ZNF787: variants seen among roughly 807,000 people sequenced by gnomAD.
ZNF787 encodes the protein TTF-I-interacting peptide 20.
ZNF787 carries 7 observed loss-of-function variants against 16.9 expected under a neutral mutation model. The ratio of observed to expected loss-of-function variants is 0.42; its 90% confidence interval spans 0.24 to 0.78. The LOEUF is 0.78. Among genes scored for constraint, ZNF787 ranks in the 30% least tolerant of loss-of-function variants. The probability of loss-of-function intolerance (pLI) is 0.30; values close to 1 mark genes in which losing one functional copy is unlikely to be tolerated. For synonymous variants in ZNF787, 345 were observed against 270.9 expected, an observed-to-expected ratio of 1.27 and a Z score of -2.69; for missense variants, 551 against 589.3, an observed-to-expected ratio of 0.94 and a Z score of 0.67.
At chr19:56,098,699 C>T (rs80081020) in intron 2 of ZNF787, among the ~76,000 whole-genome samples, 382 of 3,596 alleles carry the variant, frequency 0.11, 9 homozygotes, top group South Asian at 0.29. Flanking sequence ...CTAGGTGATA[C>T]GGCCACCAGG....
At chr19:56,117,739 G>C (rs1213546798) in intron 1 of ZNF787, among the ~76,000 whole-genome samples, 1 of 152,222 alleles carries the variant, frequency 6.6e-6, no homozygotes, top group Non-Finnish European at 1.5e-5. Flanking sequence ...GTCCCCATCA[G>C]TCCCACAGTG....
intron 1 of ZNF787, among the ~76,000 whole-genome samples, chr19:56,103,730 A>G (rs1212057345): frequency 6.6e-6 from 1 of 151,930 alleles, no homozygotes; most frequent in Non-Finnish European, 1.5e-5. Context: ...CGACACTCCC[A>G]ACCCGTGCCA....
intron 2 of ZNF787, among the ~76,000 whole-genome samples, chr19:56,093,546 A>G (rs1985745373): frequency 6.6e-6 from 1 of 152,152 alleles, no homozygotes; most frequent in South Asian, 2.1e-4. Context: ...GTTCGGGCTC[A>G]GGAGACTGAC....
rs565607240 is a variant in ZNF787, at chr19:56,103,295, G to A, written c.-10-68C>T. The stretch of plus-strand genomic sequence containing the variant: ...GCCAGGCTGCACCGAGGGCCCTGCA[G>A]GGAGGCAGCCTGCAGACCCCGGCGT... On this transcript the variant is annotated intron_variant, in intron 1 of 2. Coordinates refer to ENST00000610935, the MANE Select transcript of ZNF787 (RefSeq NM_001002836.4). 108 of 1,410,314 alleles carry A rather than the reference G, an allele frequency of 7.7e-5. No homozygotes were observed. In the African/African-American group the frequency reaches 1.2e-3, roughly 16 times the overall value. 87.4% of individuals were successfully genotyped at this position (1,410,314 alleles called of 1,614,324 possible). A position where few individuals can be genotyped will look rare whatever the true frequency, so the allele number is the denominator to read the frequency against.
At position 56,087,769 on chromosome 19, in the gene ZNF787, G is replaced by C. The variant is rs1023296600; in HGVS notation, c.*254C>G. On this transcript the variant is annotated 3_prime_UTR_variant, in exon 3 of 3. Transcript: ENST00000610935. ...CTGCAGTTCTCTCCATTGTCTCTCC[G>C]GCTCGCAGGCCGATAACTTAGGAAG... 6 of 453,614 alleles carry C rather than the reference G, an allele frequency of 1.3e-5. No individual in the cohort carries two copies. The highest frequency in any genetic ancestry group is 9.5e-5 in the South Asian group (1 of 10,536). 28.1% of individuals were successfully genotyped at this position (453,614 alleles called of 1,614,324 possible).
intron 2 of ZNF787, among the ~76,000 whole-genome samples, chr19:56,090,916 G>A (rs1298188035): frequency 2.6e-5 from 4 of 151,420 alleles, no homozygotes; most frequent in Admixed American, 2.0e-4. Flanking sequence ...AGCCCCCCAG[G>A]TGATTCTGAT....
intron 1 of ZNF787, among the ~76,000 whole-genome samples, chr19:56,107,543 A>T (rs530677533): frequency 1.3e-5 from 2 of 150,056 alleles, no homozygotes; most frequent in African/African-American, 4.9e-5. Context: ...ACGAGTCACC[A>T]GGAGACACGG....
rs1986304409 is a variant in ZNF787, at chr19:56,106,164, C to T, written c.-10-2937G>A. ...CTGCAGCCTCTGAACTCCTTTCCGT[C>T]CCTCTGGACTTGCTGCCGTGTGCTC... On this transcript the variant is annotated intron_variant, in intron 1 of 2. Transcript: ENST00000610935. Among the ~76,000 whole-genome samples the T allele has an allele frequency of 2.6e-5, 4 of 152,220 alleles. No individual in the cohort carries two copies. The South Asian group carries it at 8.3e-4, about 31-fold the overall frequency.
chr19:56,107,122 C>T (rs1174422414), intron 1 of ZNF787, among the ~76,000 whole-genome samples: 2 of 152,160 alleles, frequency 1.3e-5, no homozygotes, highest in African/African-American at 4.8e-5. Context: ...CTGCTCTAAA[C>T]GGCTGACGAA....
intron 2 of ZNF787, chr19:56,101,808 C>G (rs1362220933): frequency 6.6e-6 from 1 of 152,234 alleles, no homozygotes; most frequent in African/African-American, 2.4e-5. Flanking sequence ...CGTCCACACA[C>G]TTGAGATTTC....
At chr19:56,108,244 C>T (rs1171430131) in intron 1 of ZNF787, among the ~76,000 whole-genome samples, 1 of 149,996 alleles carries the variant, frequency 6.7e-6, no homozygotes, top group Non-Finnish European at 1.5e-5. Flanking sequence ...GCTCCCTCCA[C>T]CTCGCCCCTG....
At chr19:56,097,460 C>T (rs1044066642) in intron 2 of ZNF787, among the ~76,000 whole-genome samples, 1 of 152,258 alleles carries the variant, frequency 6.6e-6, no homozygotes, top group Non-Finnish European at 1.5e-5. Context: ...GTGAACTTCA[C>T]GCCCACCACA....
chr19:56,098,197 G>T (rs1212304292), intron 2 of ZNF787, among the ~76,000 whole-genome samples: 1 of 152,166 alleles, frequency 6.6e-6, no homozygotes, highest in Non-Finnish European at 1.5e-5. Flanking sequence ...GCCTCCCTGG[G>T]GACACCTCTG....
chr19:56,095,079 A>G (rs1599943080), intron 2 of ZNF787, among the ~76,000 whole-genome samples: 1 of 152,104 alleles, frequency 6.6e-6, no homozygotes, highest in African/African-American at 2.4e-5. Context: ...GCACCATCGC[A>G]CTCCAGCCTC....
intron 2 of ZNF787, among the ~76,000 whole-genome samples, chr19:56,099,868 G>T (rs990056886): frequency 4.6e-5 from 7 of 152,112 alleles, no homozygotes; most frequent in Non-Finnish European, 8.8e-5. Context: ...GGGCTGGGAG[G>T]CTGGACAGGC....
chr19:56,087,962 C>G lies in ZNF787; in HGVS notation c.*61G>C, dbSNP rs1025232366. On this transcript the variant is annotated 3_prime_UTR_variant, in exon 3 of 3. Coordinates refer to ENST00000610935, the MANE Select transcript of ZNF787 (RefSeq NM_001002836.4). ...CTTCTCCCTGGGTCTCTTGGTCTTG[C>G]ACGTCGTCGCTCCCGCCAAGCCCGA... 121 of 1,298,302 alleles carry G rather than the reference C, an allele frequency of 9.3e-5. No individual in the cohort carries two copies. Among genetic ancestry groups the G allele is most frequent in the Non-Finnish European group, 9.7e-5 (100 of 1,025,770 alleles). 80.4% of individuals were successfully genotyped at this position (1,298,302 alleles called of 1,614,324 possible). A position where few individuals can be genotyped will look rare whatever the true frequency, so the allele number is the denominator to read the frequency against.
chr19:56,092,137 G>A (rs532467062), intron 2 of ZNF787, among the ~76,000 whole-genome samples: 1 of 151,994 alleles, frequency 6.6e-6, no homozygotes, highest in Non-Finnish European at 1.5e-5. Flanking sequence ...GGGATTCAAC[G>A]AATTCCCAGC....
intron 1 of ZNF787, among the ~76,000 whole-genome samples, chr19:56,104,582 C>A (rs889249062): frequency 6.6e-6 from 1 of 152,012 alleles, no homozygotes; most frequent in African/African-American, 2.4e-5. Flanking sequence ...CCCACCCGTG[C>A]CACGTACCAT....
intron 2 of ZNF787, among the ~76,000 whole-genome samples, chr19:56,093,459 G>A (rs1171611862): frequency 2.6e-5 from 4 of 152,080 alleles, no homozygotes; most frequent in South Asian, 2.1e-4. Flanking sequence ...TGTGCTGCAC[G>A]CACCGTCCTC....
Sources: allele counts gnomAD v4.1 joint callset (sites outside exome capture counted in the v4.1 genomes callset), GRCh38; gene constraint gnomAD v4.1.1; transcripts MANE v1.5; gene names NCBI Gene and HGNC (gene_info 2026-07-23, HGNC 2026-07-21).